Variants in COL5A1 observed in about 807,000 individuals in gnomAD.
COL5A1 encodes the protein collagen alpha-1(V) chain.
COL5A1 carries 16 observed loss-of-function variants against 263.7 expected under a neutral mutation model. The observed-to-expected ratio is 0.06, with a 90% CI of 0.04 to 0.09. The LOEUF (loss-of-function observed/expected upper bound fraction) is 0.09. Ranked by LOEUF, COL5A1 falls within the 10% of genes least tolerant of loss-of-function variation. The pLI, the probability that COL5A1 is intolerant of heterozygous loss-of-function variation, is 1.00. For missense variants in COL5A1, 2,036 were observed against 2,540.5 expected, an observed-to-expected ratio of 0.80 and a Z score of 4.27; for synonymous variants, 1,012 against 1,004.5, an observed-to-expected ratio of 1.01 and a Z score of -0.14.
chr9:134,671,127 T>C (rs1832528240), intron 1 of COL5A1, among the ~76,000 whole-genome samples: 1 of 152,196 alleles, frequency 6.6e-6, no homozygotes, highest in Non-Finnish European at 1.5e-5. Flanking sequence ...ATGAGCTCCA[T>C]GTGGCCCCAC....
chr9:134,815,342 C>T (rs982361594), intron 50 of COL5A1, among the ~76,000 whole-genome samples: 10 of 152,254 alleles, frequency 6.6e-5, no homozygotes, highest in Middle Eastern at 3.2e-3. Context: ...CTCTGGAAAG[C>T]AAGAGACCAG....
At chr9:134,701,873 C>T (rs576870896) in intron 4 of COL5A1, among the ~76,000 whole-genome samples, 6 of 152,226 alleles carry the variant, frequency 3.9e-5, no homozygotes, top group Non-Finnish European at 8.8e-5. Context: ...GAGTCGGGGC[C>T]TGAGCTGAGT....
chr9:134,774,746 A>T, intron 26 of COL5A1, 113 bp from the exon 27 acceptor site: 3 of 1,097,608 alleles, frequency 2.7e-6, no homozygotes, highest in Non-Finnish European at 4.1e-6. Flanking sequence ...CTGAGCTGGG[A>T]TGTTCGCCCT....
rs1390844662 is a variant in COL5A1, at chr9:134,700,881, G to A, written c.492-290G>A. Among the ~76,000 whole-genome samples, 1 of 152,200 alleles carries A rather than the reference G, an allele frequency of 6.6e-6. No homozygotes were observed. Among genetic ancestry groups the A allele is most frequent in the Non-Finnish European group, 1.5e-5 (1 of 68,038 alleles). On this transcript the variant is annotated intron_variant, in intron 3 of 65. Coordinates refer to ENST00000371817, the MANE Select transcript of COL5A1 (RefSeq NM_000093.5). The surrounding 1 kb of genome is among the most constrained non-coding windows in gnomAD (Gnocchi z 4.0). ...CTCCTGGGTCCCGAGCCAGTGCCGAGTGCTGTGTGCTCCCCCTTCCCCCTT... is the reference window on the plus strand; with the variant it reads ...CTCCTGGGTCCCGAGCCAGTGCCGAATGCTGTGTGCTCCCCCTTCCCCCTT...
In COL5A1 at chr9:134,691,029, G is replaced by C; in HGVS notation, c.227G>C (p.Arg76Thr). Residue 76 changes from arginine to threonine, a missense_variant, in exon 2 of 66, where the codon AGA (arginine) becomes ACA (threonine). This residue lies in a region of COL5A1 where 600 missense variants were observed against 634.5 expected (regional missense o/e 0.95). Transcript: ENST00000371817. ...RSSKGPDVAY[R>T]VTKDAQLSAP... ...TCCAAAGGCCCGGATGTCGCTTACA[G>C]AGTCACCAAAGACGCGCAGCTCAGC... The C allele has an allele frequency of 6.2e-7, 1 of 1,613,730 alleles. No individual in the cohort carries two copies. The highest frequency in any genetic ancestry group is 8.5e-7 in the Non-Finnish European group (1 of 1,180,052).
chr9:134,741,178 G>A lies in COL5A1; in HGVS notation c.1494+2370G>A, dbSNP rs995956982. Reference sequence around the variant, plus strand: ...GGTGAGGCCCTGCAGTGCAGCCTGCGGTGGGCCGGGCTCAGGTGCCTGTGC... The same window carrying A: ...GGTGAGGCCCTGCAGTGCAGCCTGCAGTGGGCCGGGCTCAGGTGCCTGTGC... On this transcript the variant is annotated intron_variant, in intron 11 of 65. Coordinates refer to ENST00000371817, the MANE Select transcript of COL5A1 (RefSeq NM_000093.5). This position sits in a 1 kb window ranked among gnomAD's most constrained non-coding sequence, Gnocchi z 4.5. Among the ~76,000 whole-genome samples the A allele has an allele frequency of 1.3e-5, 2 of 152,246 alleles. No individual in the cohort carries two copies. The highest frequency in any genetic ancestry group is 6.5e-5 in the Admixed American group (1 of 15,286).
At chr9:134,778,372 A>T (rs963489762) in intron 27 of COL5A1, among the ~76,000 whole-genome samples, 4 of 152,268 alleles carry the variant, frequency 2.6e-5, no homozygotes, top group African/African-American at 9.6e-5. Context: ...AGTGGCCTGC[A>T]GCAGGCTGTT....
At chr9:134,763,584 C>A in intron 19 of COL5A1, 109 bp from the exon 20 acceptor site, 3 of 1,097,070 alleles carry the variant, frequency 2.7e-6, no homozygotes, top group Non-Finnish European at 4.2e-6. Flanking sequence ...GTAAACCTGG[C>A]GTATGTGAAG....
rs1564477140 is a variant in COL5A1, at chr9:134,814,029, GC to G, written c.3905del (p.Pro1302ArgfsTer186). On this transcript the variant is annotated frameshift_variant, in exon 49 of 66. Transcript: ENST00000371817. LOFTEE classifies it high-confidence loss of function. ...AGEPGLPGEG[G>X]PPGPKGERGE... ...GAGCCTGGCCTTCCGGGAGAAGGCG[GC>G]CCCCCGGTGAGTGAGCGGGCGCTGC... The G allele has an allele frequency of 6.4e-7, 1 of 1,550,734 alleles. No individual in the cohort carries two copies. Among genetic ancestry groups the G allele is most frequent in the South Asian group, 1.2e-5 (1 of 84,058 alleles).
chr9:134,829,535 C>T (rs1306733653), intron 63 of COL5A1, among the ~76,000 whole-genome samples: 1 of 150,756 alleles, frequency 6.6e-6, no homozygotes, highest in Admixed American at 6.6e-5. Context: ...CCAGGCTCCT[C>T]CTCACGCAGC....
intron 29 of COL5A1, among the ~76,000 whole-genome samples, chr9:134,783,533 A>G (rs1298085017): frequency 6.6e-6 from 1 of 152,146 alleles, no homozygotes; most frequent in Non-Finnish European, 1.5e-5. Context: ...GGAACCGAAG[A>G]CGCCTCGGCC....
chr9:134,784,094 GA>G (rs1837364051), intron 29 of COL5A1, among the ~76,000 whole-genome samples: 1 of 152,206 alleles, frequency 6.6e-6, no homozygotes, highest in African/African-American at 2.4e-5. Flanking sequence ...GACCTCTTCA[GA>G]GAGCACAGCC....
chr9:134,709,070 C>A (rs1310418878), intron 4 of COL5A1: 1 of 397,612 alleles, frequency 2.5e-6, no homozygotes, highest in Non-Finnish European at 5.1e-6. Context: ...TTCATTCCAT[C>A]TGCAGTGATC....
At chr9:134,816,528 C>G (rs1204008319) in intron 52 of COL5A1, among the ~76,000 whole-genome samples, 1 of 152,266 alleles carries the variant, frequency 6.6e-6, no homozygotes, top group African/African-American at 2.4e-5. Flanking sequence ...TGCACCCAGC[C>G]TGGCCAAGCG....
In COL5A1 at chr9:134,731,484, C is replaced by A; in HGVS notation, c.1165-12C>A. ...TTGCGAGGCAACCCTGCGCCTTCCTCTCCCTCTGCAGCCAGCTCCGCCTCC... is the reference window on the plus strand; with the variant it reads ...TTGCGAGGCAACCCTGCGCCTTCCTATCCCTCTGCAGCCAGCTCCGCCTCC... On this transcript the variant is annotated splice_polypyrimidine_tract_variant and intron_variant, in intron 7 of 65. Coordinates refer to ENST00000371817, the MANE Select transcript of COL5A1 (RefSeq NM_000093.5). 6.2e-7 allele frequency: 1 copy of A among 1,613,984 alleles called. No individual in the cohort carries two copies. Among genetic ancestry groups the A allele is most frequent in the Non-Finnish European group, 8.5e-7 (1 of 1,179,972 alleles).
chr9:134,788,551 G>A (rs1233081059), intron 31 of COL5A1, among the ~76,000 whole-genome samples: 1 of 149,702 alleles, frequency 6.7e-6, no homozygotes, highest in African/African-American at 2.4e-5. Flanking sequence ...TGGGTGGATA[G>A]GTAGGCAGAT....
chr9:134,708,656 T>A, intron 4 of COL5A1: 2 of 518,748 alleles, frequency 3.9e-6, no homozygotes, highest in Non-Finnish European at 7.7e-6. Flanking sequence ...AGGCCCCTTG[T>A]CGTGTCTTCA....
At chr9:134,683,792 C>A (rs754488827) in intron 1 of COL5A1, among the ~76,000 whole-genome samples, 1 of 152,194 alleles carries the variant, frequency 6.6e-6, no homozygotes, top group Non-Finnish European at 1.5e-5. Context: ...TCATTGCACC[C>A]CCTTTCCTGG....
At chr9:134,831,105 T>C (rs879515395) in intron 64 of COL5A1, among the ~76,000 whole-genome samples, 6 of 152,188 alleles carry the variant, frequency 3.9e-5, no homozygotes, top group Non-Finnish European at 7.3e-5. Flanking sequence ...TTCTGCGGCT[T>C]GTAGCCTGAC....
Sources: gnomAD v4.1 joint callset for allele counts (sites outside exome capture counted in the v4.1 genomes callset) on GRCh38, gnomAD v4.1.1 for gene constraint, gnomAD v4.1.1 regional missense constraint, Gnocchi (gnomAD v3.1) non-coding constraint, MANE v1.5 for transcripts, NCBI Gene and HGNC (gene_info 2026-07-23, HGNC 2026-07-21) for gene names.